Variants in CDON observed in about 807,000 individuals in gnomAD.
The protein encoded by CDON is cell adhesion associated, oncogene regulated.
A neutral mutation model predicts 120.9 loss-of-function variants in CDON; 73 were observed. The observed-to-expected ratio is 0.60, with a 90% confidence interval of 0.50 to 0.73. The LOEUF (loss-of-function observed/expected upper bound fraction) is 0.73, where lower values mean the gene tolerates loss of function less well. Ranked by LOEUF, CDON falls within the 30% of genes least tolerant of loss-of-function variation. The pLI is 0.00. For synonymous variants in CDON, 566 were observed against 573.5 expected (o/e 0.99, Z 0.19); for missense variants, 1,470 against 1,587.3 (o/e 0.93, Z 1.26).
rs1198253635 is a variant in CDON, at chr11:125,964,674, G to A, written c.3357-2676C>T. Among the ~76,000 whole-genome samples, 3 of 151,974 alleles carry A rather than the reference G, an allele frequency of 2.0e-5. No homozygotes were observed. In the South Asian group the frequency reaches 6.2e-4, roughly 32 times the overall value. Reference sequence around the variant, plus strand: ...TTATCTAAGAAAAGATAAAAGACACGGGGAGCAATTAACTTTGAGATAAGT... The same window carrying A: ...TTATCTAAGAAAAGATAAAAGACACAGGGAGCAATTAACTTTGAGATAAGT... On this transcript the variant is annotated intron_variant, in intron 18 of 19. Transcript: ENST00000531738.
At chr11:125,992,027 G>A (rs781666938) in intron 14 of CDON, among the ~76,000 whole-genome samples, 1 of 152,128 alleles carries the variant, frequency 6.6e-6, no homozygotes, top group Non-Finnish European at 1.5e-5. Context: ...CTAGAACATA[G>A]AACCAAGAAG....
intron 1 of CDON, among the ~76,000 whole-genome samples, chr11:126,059,135 T>C (rs1050382130): frequency 2.0e-5 from 3 of 152,236 alleles, no homozygotes; most frequent in East Asian, 1.9e-4. Context: ...TGCTCTCAGT[T>C]TGAAAGTTAT....
chr11:126,021,492 C>T lies in CDON; in HGVS notation c.105G>A (p.Pro35=), dbSNP rs145685615. 13 of 1,613,740 alleles carry T rather than the reference C, an allele frequency of 8.1e-6. No homozygotes were observed. In the African/African-American group the frequency reaches 9.3e-5, roughly 12 times the overall value. ...CACCAAGTTTCTGGACAGCAGAGAG[C>T]GGCTCAGAAGTAAAATAAGGTGCCA... ...SDLAPYFTSE[P]LSAVQKLGGP... The change falls in exon 3 of 20, where the codon CCG becomes CCA. Residue 35 remains proline (P), a synonymous_variant. Transcript: ENST00000531738.
chr11:126,001,512 G>C (rs1334223720), intron 11 of CDON, among the ~76,000 whole-genome samples: 3 of 131,558 alleles, frequency 2.3e-5, no homozygotes, highest in Non-Finnish European at 5.0e-5. Flanking sequence ...AGAACATTTT[G>C]AGTCAGAGTT....
intron 14 of CDON, among the ~76,000 whole-genome samples, chr11:125,989,974 A>G (rs1946586536): frequency 6.6e-6 from 1 of 152,220 alleles, no homozygotes; most frequent in Non-Finnish European, 1.5e-5. Flanking sequence ...AAGAGAGGAG[A>G]TAAACTGACC....
intron 1 of CDON, among the ~76,000 whole-genome samples, chr11:126,048,002 C>T (rs568612560): frequency 3.3e-5 from 5 of 152,118 alleles, no homozygotes; most frequent in Admixed American, 3.3e-4. Context: ...CTTCAGCCGT[C>T]GTGGTGGCTC....
At chr11:125,970,095 T>G (rs951835244) in intron 18 of CDON, among the ~76,000 whole-genome samples, 5 of 152,098 alleles carry the variant, frequency 3.3e-5, no homozygotes, top group African/African-American at 4.8e-5. Flanking sequence ...TCCGTGAATT[T>G]CTTGGATGTG....
Position 125,961,072 on chromosome 11 carries a change from TTGA to T in CDON, c.3662_3664del (p.Ile1221del), listed in dbSNP as rs1452029777. On this transcript the variant is annotated inframe_deletion, in exon 20 of 20. Coordinates refer to ENST00000531738, the MANE Select transcript of CDON (RefSeq NM_001378964.1). ...AATAAGAGCATTCCAACTTACAATG[TTGA>T]TCTCTGTTTCTGAATGGGCACAGCT... 1.2e-6 allele frequency: 2 copies of T among 1,614,108 alleles called. No homozygotes were observed. Among genetic ancestry groups the T allele is most frequent in the East Asian group, 4.5e-5 (2 of 44,872 alleles).
At chr11:125,978,424 GA>G in intron 17 of CDON, 41 bp from the exon 18 acceptor site, 1 of 1,298,442 alleles carries the variant, frequency 7.7e-7, no homozygotes. Flanking sequence ...AAAGAAGAAG[GA>G]ATGCTGAAGG....
intron 1 of CDON, among the ~76,000 whole-genome samples, chr11:126,036,988 C>A (rs949321777): frequency 6.6e-6 from 1 of 152,178 alleles, no homozygotes; most frequent in African/African-American, 2.4e-5. Context: ...CCATACCCAG[C>A]CTACAACTTT....
intron 1 of CDON, among the ~76,000 whole-genome samples, chr11:126,031,683 G>GTTGTGAAACACTC (rs1311254065): frequency 6.6e-6 from 1 of 152,202 alleles, no homozygotes; most frequent in African/African-American, 2.4e-5. Flanking sequence ...ATTTCCGCGA[G>GTTGTGAAACACTC]TTGTGAAACA....
chr11:126,010,493 C>T lies in CDON; in HGVS notation c.1400G>A (p.Gly467Asp). The T allele has an allele frequency of 1.9e-6, 3 of 1,614,012 alleles. No homozygotes were observed. The highest frequency in any genetic ancestry group is 2.5e-6 in the Non-Finnish European group (3 of 1,179,952). The part of the protein sequence containing the change: ...SRKSQLSRPE[G>D]LNLEPVYFVL... ...GAAGTACACAGGCTCCAGGTTCAAG[C>T]CCTCAGGTCTTGATAACTGTGATTT... is the stretch of plus-strand genomic sequence containing the variant. The change falls in exon 8 of 20, where the codon GGC becomes GAC. Residue 467 changes from glycine to aspartate, a missense_variant. Transcript: ENST00000531738.
rs528259888 is a variant in CDON at position 126,010,075 on chromosome 11, A to G, written c.1552+266T>C. Among the ~76,000 whole-genome samples, 103 of 152,292 alleles carry G rather than the reference A, an allele frequency of 6.8e-4. 1 individual carries two copies. The highest frequency in any genetic ancestry group is 2.2e-3 in the African/African-American group (93 of 41,572). ...AGAAAACCAAAAGCATTCATCTCAA[A>G]GACAGGTTATATTCTGGGCCTGCTC... On this transcript the variant is annotated intron_variant, in intron 8 of 19. Transcript: ENST00000531738.
At chr11:126,037,060 G>A (rs898925021) in intron 1 of CDON, among the ~76,000 whole-genome samples, 1 of 151,614 alleles carries the variant, frequency 6.6e-6, no homozygotes, top group Non-Finnish European at 1.5e-5. Flanking sequence ...GCTGGGGGAT[G>A]GATCCTTAAT....
chr11:126,018,215 G>T, intron 5 of CDON, 115 bp downstream of exon 5: 2 of 1,154,256 alleles, frequency 1.7e-6, no homozygotes, highest in Non-Finnish European at 2.6e-6. Context: ...TTACTTTTTT[G>T]GTAAGACTTT....
chr11:125,998,884 G>A (rs1170138948), intron 11 of CDON, among the ~76,000 whole-genome samples: 2 of 152,146 alleles, frequency 1.3e-5, no homozygotes, highest in Non-Finnish European at 2.9e-5. Flanking sequence ...CCATGGTGAC[G>A]CTAGTTACTT....
intron 10 of CDON, 35 bp from the exon 11 acceptor site, chr11:126,001,885 G>C: frequency 6.8e-7 from 1 of 1,481,000 alleles, no homozygotes; most frequent in Non-Finnish European, 9.4e-7. Context: ...AGTAACATAA[G>C]CATATATGTA....
At chr11:125,975,216 T>G (rs1174698418) in intron 18 of CDON, among the ~76,000 whole-genome samples, 4 of 152,238 alleles carry the variant, frequency 2.6e-5, no homozygotes, top group Non-Finnish European at 5.9e-5. Flanking sequence ...ACATAGAGAT[T>G]TTTTTCTATT....
chr11:126,031,787 G>C (rs1041600657), intron 1 of CDON, among the ~76,000 whole-genome samples: 1 of 152,206 alleles, frequency 6.6e-6, no homozygotes, highest in Non-Finnish European at 1.5e-5. Flanking sequence ...CGAGCCTTAA[G>C]ATGACTTCCA....
Sources: gnomAD v4.1 joint callset for allele counts (sites outside exome capture counted in the v4.1 genomes callset) on GRCh38, gnomAD v4.1.1 for gene constraint, MANE v1.5 for transcripts, NCBI Gene and HGNC (gene_info 2026-07-23, HGNC 2026-07-21) for gene names.